RERE: variants seen among roughly 807,000 people sequenced by gnomAD.
The protein encoded by RERE is arginine-glutamic acid dipeptide repeats protein.
A neutral mutation model predicts 146.1 loss-of-function variants in RERE; 40 were observed. The ratio of observed to expected loss-of-function variants is 0.27; its 90% CI spans 0.21 to 0.36. The LOEUF (loss-of-function observed/expected upper bound fraction) is 0.36. RERE is among the 10% of genes least tolerant of loss of function. The pLI is 1.00. For missense variants in RERE, 1,933 were observed against 2,138.7 expected (o/e 0.90, Z 1.90); for synonymous variants, 1,003 against 866.0 (o/e 1.16, Z -2.78).
Position 8,363,649 on chromosome 1 carries a change from G to A in RERE, c.1740+407C>T, listed in dbSNP as rs1641683045. 3 of 206,670 alleles carry A rather than the reference G, an allele frequency of 1.5e-5. 1 individual carries two copies. The South Asian group carries it at 2.3e-4, about 16-fold the overall frequency. The allele number at this position is 206,670 out of a possible 1,614,324, so 12.8% of individuals were successfully genotyped here. Reference sequence around the variant, plus strand: ...GGAGCTATGCAGTGAGCAGAAAAATGTATCGGAAGTTTCCAAAACGGGATC... The same window carrying A: ...GGAGCTATGCAGTGAGCAGAAAAATATATCGGAAGTTTCCAAAACGGGATC... On this transcript the variant is annotated intron_variant, in intron 15 of 22. Coordinates refer to ENST00000400908, the MANE Select transcript of RERE (RefSeq NM_001042681.2).
intron 12 of RERE, among the ~76,000 whole-genome samples, chr1:8,370,262 G>A (rs1223581921): frequency 6.6e-6 from 1 of 151,684 alleles, no homozygotes; most frequent in Non-Finnish European, 1.5e-5. Context: ...GGCAGACAGG[G>A]ACGGTGGGTG....
intron 12 of RERE, among the ~76,000 whole-genome samples, chr1:8,400,719 T>C (rs960723604): frequency 1.3e-4 from 19 of 149,632 alleles, no homozygotes; most frequent in African/African-American, 3.9e-4. Context: ...ATATGATGCA[T>C]AGGGGCTACA....
chr1:8,736,287 A>T (rs1049857351), intron 1 of RERE, among the ~76,000 whole-genome samples: 5 of 152,168 alleles, frequency 3.3e-5, no homozygotes, highest in African/African-American at 4.8e-5. Flanking sequence ...GCTCACTGCA[A>T]GGTCCGCCTC....
At chr1:8,643,637 T>C (rs1647211765) in intron 2 of RERE, among the ~76,000 whole-genome samples, 1 of 152,180 alleles carries the variant, frequency 6.6e-6, no homozygotes. Context: ...AAGGTGATAC[T>C]GAGAATACAT....
chr1:8,578,880 C>T (rs945637228), intron 4 of RERE, among the ~76,000 whole-genome samples: 1 of 152,144 alleles, frequency 6.6e-6, no homozygotes, highest in Non-Finnish European at 1.5e-5. Flanking sequence ...AAAATAAATA[C>T]ATGTAAAAAT....
chr1:8,597,915 T>C (rs1646575306), intron 4 of RERE, among the ~76,000 whole-genome samples: 1 of 152,216 alleles, frequency 6.6e-6, no homozygotes, highest in Non-Finnish European at 1.5e-5. Flanking sequence ...CCTTAAGAAA[T>C]AGCAGGAAGG....
chr1:8,639,170 G>A (rs1363568108), intron 2 of RERE, among the ~76,000 whole-genome samples: 1 of 152,116 alleles, frequency 6.6e-6, no homozygotes, highest in Non-Finnish European at 1.5e-5. Context: ...ACATAAAAAT[G>A]GACCACGCTT....
chr1:8,809,465 C>G (rs1201060412), intron 1 of RERE, among the ~76,000 whole-genome samples: 1 of 152,170 alleles, frequency 6.6e-6, no homozygotes, highest in Admixed American at 6.6e-5. Context: ...AGACAATAAT[C>G]TGCTTTAAAA....
At chr1:8,657,796 G>A (rs551489875) in intron 1 of RERE, among the ~76,000 whole-genome samples, 1 of 151,762 alleles carries the variant, frequency 6.6e-6, no homozygotes, top group African/African-American at 2.4e-5. Context: ...ACAGTGAGCC[G>A]AGATCACACC....
intron 1 of RERE, among the ~76,000 whole-genome samples, chr1:8,678,115 T>C (rs1331054429): frequency 6.6e-6 from 1 of 152,202 alleles, no homozygotes; most frequent in Admixed American, 6.5e-5. Context: ...GGTCTCCTGG[T>C]TGCTGTTCAG....
chr1:8,356,007 A>C lies in RERE; in HGVS notation c.4486+93T>G, dbSNP rs1641275816. The C allele has an allele frequency of 2.3e-6, 3 of 1,303,816 alleles. No homozygotes were observed. The highest frequency in any genetic ancestry group is 3.1e-6 in the Non-Finnish European group (3 of 977,214). 80.8% of individuals were successfully genotyped at this position (1,303,816 alleles called of 1,614,324 possible). On this transcript the variant is annotated intron_variant, in intron 21 of 22. Coordinates refer to ENST00000400908, the MANE Select transcript of RERE (RefSeq NM_001042681.2). The surrounding 1 kb of genome is among the most constrained non-coding windows in gnomAD (Gnocchi z 5.2). Reference sequence around the variant, plus strand: ...AGCGAACCCACCTGCTCAATGCATGAATGAATGAATGAGTAATGAATGAAG... The same window carrying C: ...AGCGAACCCACCTGCTCAATGCATGCATGAATGAATGAGTAATGAATGAAG...
At position 8,364,315 on chromosome 1, in the gene RERE, T is replaced by G; in HGVS notation, c.1541-60A>C. 1 of 1,492,848 alleles carries G rather than the reference T, an allele frequency of 6.7e-7. No homozygotes were observed. Among genetic ancestry groups the G allele is most frequent in the East Asian group, 2.3e-5 (1 of 44,290 alleles). 92.5% of individuals were successfully genotyped at this position (1,492,848 alleles called of 1,614,324 possible). On this transcript the variant is annotated intron_variant, in intron 14 of 22. Transcript: ENST00000400908. The surrounding 1 kb of genome is among the most constrained non-coding windows in gnomAD (Gnocchi z 5.1). ...AACCATCCCTCTCCCTGGGGATGTC[T>G]GGGCAGAGGGGCCCTTCTGTGGGCT... is the stretch of plus-strand genomic sequence containing the variant.
At chr1:8,429,472 T>G (rs895360355) in intron 11 of RERE, among the ~76,000 whole-genome samples, 2 of 152,224 alleles carry the variant, frequency 1.3e-5, no homozygotes, top group Non-Finnish European at 2.9e-5. Context: ...CATCTACACA[T>G]GAAACTCCCA....
chr1:8,627,597 C>CA (rs70982802), intron 2 of RERE, among the ~76,000 whole-genome samples: 78,644 of 125,074 alleles, frequency 0.63, 22,180 homozygotes, highest in East Asian at 0.81. Flanking sequence ...GAAACTGTCT[C>CA]AAAAAAAAAA....
At chr1:8,607,534 C>A (rs79846032) in intron 4 of RERE, among the ~76,000 whole-genome samples, 1 of 48,584 alleles carries the variant, frequency 2.1e-5, no homozygotes, top group African/African-American at 8.6e-5. Flanking sequence ...ATATATATTT[C>A]TTTTTTTTTT....
chr1:8,656,152 T>A lies in RERE; in HGVS notation c.146A>T (p.Asn49Ile), dbSNP rs1224775407. The part of the protein sequence containing the change: ...RSCTLEGGAK[N>I]YAESDHSEDE... ...TTCACTGTGATCACTCTCAGCATAA[T>A]TTTTGGCTCCTCCTTCCAAGGTACA... Residue 49 changes from asparagine to isoleucine, a missense_variant, in exon 2 of 23, where the codon AAT becomes ATT. By Grantham distance (149) the Asn-to-Ile change is moderately radical. This residue lies in a region of RERE where 107 missense variants were observed against 119.7 expected (regional missense o/e 0.89). Coordinates refer to ENST00000400908, the MANE Select transcript of RERE (RefSeq NM_001042681.2). 6.8e-6 allele frequency: 11 copies of A among 1,613,800 alleles called. No homozygotes were observed. Among genetic ancestry groups the A allele is most frequent in the Non-Finnish European group, 9.3e-6 (11 of 1,179,696 alleles).
At chr1:8,507,755 T>TTTTTTC (rs1226155111) in intron 8 of RERE, among the ~76,000 whole-genome samples, 3 of 146,246 alleles carry the variant, frequency 2.1e-5, no homozygotes, top group Non-Finnish European at 3.0e-5. Flanking sequence ...TTTTTTTTTT[T>TTTTTTC]TGAGACAGAG....
chr1:8,780,747 G>T (rs1641148734), intron 1 of RERE, among the ~76,000 whole-genome samples: 1 of 152,156 alleles, frequency 6.6e-6, no homozygotes, highest in Non-Finnish European at 1.5e-5. Context: ...AAAAACTATT[G>T]TAATCTTACT....
chr1:8,359,047 C>A (rs1245182636), intron 19 of RERE, 131 bp from the exon 20 acceptor site: 36 of 1,188,194 alleles, frequency 3.0e-5, no homozygotes, highest in Non-Finnish European at 3.9e-5. Flanking sequence ...TCCACGGAGA[C>A]CCGGCCCTGC....
Sources: allele counts gnomAD v4.1 joint callset (sites outside exome capture counted in the v4.1 genomes callset), GRCh38; gene constraint gnomAD v4.1.1; regional missense constraint gnomAD v4.1.1; non-coding constraint Gnocchi (gnomAD v3.1); transcripts MANE v1.5; gene names NCBI Gene and HGNC (gene_info 2026-07-23, HGNC 2026-07-21).